AGBL2: variants seen among roughly 807,000 people sequenced by gnomAD.
AGBL2 encodes AGBL carboxypeptidase 2.
AGBL2 carries 87 observed loss-of-function variants against 103.0 expected under a neutral mutation model. That is an observed-to-expected ratio of 0.84 (90% CI 0.71 to 1.01). AGBL2 has a LOEUF of 1.01. Ranked by LOEUF, AGBL2 falls within the 50% of genes least tolerant of loss-of-function variation. The probability of loss-of-function intolerance (pLI) is 0.00; values close to 1 mark genes in which losing one functional copy is unlikely to be tolerated. For missense variants in AGBL2, 904 were observed against 1,023.5 expected (o/e 0.88, Z 1.59); for synonymous variants, 335 against 356.7 (o/e 0.94, Z 0.69).
intron 17 of AGBL2, among the ~76,000 whole-genome samples, chr11:47,666,417 A>C (rs1232396057): frequency 6.6e-6 from 1 of 151,836 alleles, no homozygotes; most frequent in Non-Finnish European, 1.5e-5. Context: ...AAAAAAAATC[A>C]AAGATTTTAT....
intron 4 of AGBL2, among the ~76,000 whole-genome samples, chr11:47,708,428 C>A (rs1028000242): frequency 3.3e-5 from 5 of 151,502 alleles, no homozygotes; most frequent in Non-Finnish European, 7.4e-5. Flanking sequence ...AGGAAATGAA[C>A]CCTTTGGCAT....
chr11:47,714,287 T>G lies in AGBL2; in HGVS notation c.94A>C (p.Lys32Gln), dbSNP rs1389565135. ...YRHLQYYGYF[K>Q]AQRGSLPNSA... ...CTAGATAAGAACATGGTATTACCTT[T>G]AAAGTAGCCATAATATTGGAGGTGA... is the stretch of plus-strand genomic sequence containing the variant. Residue 32 changes from lysine (K) to glutamine (Q), a missense_variant, in exon 3 of 19, where the codon AAA (lysine) becomes CAA (glutamine). By Grantham distance (53) the Lys-to-Gln change is moderately conservative (BLOSUM62 1). Transcript: ENST00000525123. 2 of 1,612,078 alleles carry G rather than the reference T, an allele frequency of 1.2e-6. No homozygotes were observed. The highest frequency in any genetic ancestry group is 1.7e-6 in the Non-Finnish European group (2 of 1,178,754).
At chr11:47,677,202 C>T in intron 14 of AGBL2, 69 bp downstream of exon 14, 1 of 1,288,420 alleles carries the variant, frequency 7.8e-7, no homozygotes, top group East Asian at 2.9e-5. Flanking sequence ...GAGACAACAT[C>T]TCACTATATC....
chr11:47,684,103 ATC>A (rs2097413838), intron 11 of AGBL2, among the ~76,000 whole-genome samples: 1 of 151,420 alleles, frequency 6.6e-6, no homozygotes, highest in African/African-American at 2.4e-5. Flanking sequence ...ACTAAACCCC[ATC>A]TCTACTAAAA....
At chr11:47,678,915 C>T (rs1055310771) in intron 13 of AGBL2, among the ~76,000 whole-genome samples, 5 of 150,578 alleles carry the variant, frequency 3.3e-5, no homozygotes, top group East Asian at 2.0e-4. Context: ...AAAAATTAGC[C>T]GGACGTGGTG....
chr11:47,662,504 T>G (rs1445032121), intron 18 of AGBL2, among the ~76,000 whole-genome samples: 2 of 150,760 alleles, frequency 1.3e-5, no homozygotes, highest in African/African-American at 4.9e-5. Context: ...ACTTTTTTTT[T>G]TTTTTTTAGA....
intron 8 of AGBL2, 49 bp downstream of exon 8, chr11:47,699,397 T>TAA (rs781260347): frequency 9.8e-7 from 1 of 1,019,658 alleles, no homozygotes; most frequent in Admixed American, 2.3e-5. Flanking sequence ...ATATGTTTAT[T>TAA]ATAACTTTGT....
At chr11:47,678,671 G>GTTTGTTTT (rs2097388279) in intron 13 of AGBL2, among the ~76,000 whole-genome samples, 1 of 151,306 alleles carries the variant, frequency 6.6e-6, no homozygotes, top group African/African-American at 2.4e-5. Context: ...TTGTTTGTTT[G>GTTTGTTTT]TTTGGGAAGA....
At chr11:47,689,471 AT>A (rs1218127576) in intron 10 of AGBL2, among the ~76,000 whole-genome samples, 1 of 151,690 alleles carries the variant, frequency 6.6e-6, no homozygotes, top group Non-Finnish European at 1.5e-5. Flanking sequence ...CGCCTGGCTA[AT>A]TTTTGTATCT....
intron 14 of AGBL2, among the ~76,000 whole-genome samples, chr11:47,673,249 G>A (rs1336749834): frequency 6.6e-6 from 1 of 152,172 alleles, no homozygotes; most frequent in Non-Finnish European, 1.5e-5. Context: ...CACCTTGGGA[G>A]GCCAAGGTGG....
chr11:47,711,903 C>A (rs567677497), intron 3 of AGBL2, among the ~76,000 whole-genome samples: 23 of 152,158 alleles, frequency 1.5e-4, no homozygotes, highest in African/African-American at 5.3e-4. Context: ...ATAGTAAGAC[C>A]ATGTCTCTAC....
chr11:47,691,549 T>G (rs1473412390), intron 9 of AGBL2, among the ~76,000 whole-genome samples: 1 of 139,662 alleles, frequency 7.2e-6, no homozygotes, highest in Non-Finnish European at 1.6e-5. Context: ...CTACTAAAAA[T>G]ACAAAAAAAT....
chr11:47,691,971 A>C, intron 9 of AGBL2, 132 bp downstream of exon 9: 1 of 764,862 alleles, frequency 1.3e-6, no homozygotes, highest in Non-Finnish European at 1.9e-6. Flanking sequence ...TAATTACTCC[A>C]TTTTTCTTCA....
At chr11:47,696,244 G>A (rs2097473114) in intron 8 of AGBL2, among the ~76,000 whole-genome samples, 1 of 151,134 alleles carries the variant, frequency 6.6e-6, no homozygotes, top group Non-Finnish European at 1.5e-5. Flanking sequence ...ATTTGAGCCT[G>A]GGTTTTGTTT....
chr11:47,674,626 G>A (rs1440235199), intron 14 of AGBL2, among the ~76,000 whole-genome samples: 1 of 151,242 alleles, frequency 6.6e-6, no homozygotes, highest in Non-Finnish European at 1.5e-5. Context: ...GAGGCTTATA[G>A]CCTTATAGGC....
At chr11:47,672,898 A>G (rs2097361729) in intron 14 of AGBL2, among the ~76,000 whole-genome samples, 1 of 152,178 alleles carries the variant, frequency 6.6e-6, no homozygotes, top group African/African-American at 2.4e-5. Context: ...ACGCCAGCTC[A>G]GAAGCCTGAA....
At chr11:47,679,346 AC>A (rs2097392266) in intron 13 of AGBL2, among the ~76,000 whole-genome samples, 1 of 151,646 alleles carries the variant, frequency 6.6e-6, no homozygotes, top group African/African-American at 2.4e-5. Context: ...AGCCGTGATC[AC>A]CCCATTGCAC....
chr11:47,712,128 A>G (rs1217417657), intron 3 of AGBL2, among the ~76,000 whole-genome samples: 1 of 152,202 alleles, frequency 6.6e-6, no homozygotes, highest in Admixed American at 6.6e-5. Flanking sequence ...TGCAAAAGTA[A>G]TGGCCACAGT....
intron 13 of AGBL2, among the ~76,000 whole-genome samples, chr11:47,679,409 T>C (rs1379782931): frequency 6.6e-6 from 1 of 151,594 alleles, no homozygotes; most frequent in African/African-American, 2.4e-5. Flanking sequence ...AAAAAAAGAA[T>C]AGGTGTTGCC....
Sources: gnomAD v4.1 joint callset for allele counts (sites outside exome capture counted in the v4.1 genomes callset) on GRCh38, gnomAD v4.1.1 for gene constraint, MANE v1.5 for transcripts, NCBI Gene and HGNC (gene_info 2026-07-23, HGNC 2026-07-21) for gene names.